The following BBS12 variants were observed in gnomAD, a reference collection of about 807,000 sequenced individuals.
BBS12 encodes the protein chaperonin-containing T-complex member BBS12.
BBS12 carries 5 observed loss-of-function variants against 5.6 expected under a neutral mutation model. The observed-to-expected ratio is 0.89, with a 90% CI of 0.46 to 1.86. The LOEUF (loss-of-function observed/expected upper bound fraction) is 1.86. Among genes scored for constraint, BBS12 ranks in the 40% most tolerant of loss-of-function variants. The pLI is 0.01. For synonymous variants in BBS12, 308 were observed against 306.8 expected, an observed-to-expected ratio of 1.00 and a Z score of -0.04; for missense variants, 748 against 830.4, an observed-to-expected ratio of 0.90 and a Z score of 1.22.
chr4:122,723,382 AGT>A, the BBS12 span, among the ~76,000 whole-genome samples: 1 of 152,208 alleles, frequency 6.6e-6, no homozygotes, highest in Non-Finnish European at 1.5e-5. Context: ...TTTGTGGAAA[AGT>A]GTTTATTTTC....
chr4:122,719,111 G>A, the BBS12 span, among the ~76,000 whole-genome samples: 6 of 152,254 alleles, frequency 3.9e-5, no homozygotes, highest in South Asian at 6.2e-4. Flanking sequence ...GAGCCACCGC[G>A]CCTGGCCTCT....
chr4:122,716,657 GCACATACACATA>G, the BBS12 span, among the ~76,000 whole-genome samples: 6 of 66,094 alleles, frequency 9.1e-5, no homozygotes, highest in East Asian at 1.8e-3. Context: ...GTGTGTATAT[GCACATACACATA>G]TGTGTATATA....
At chr4:122,731,497 T>A (rs1800696188), upstream of BBS12, 1 of 152,202 alleles carries the variant, frequency 6.6e-6, no homozygotes, top group Non-Finnish European at 1.5e-5. Flanking sequence ...GCTCCAGCCC[T>A]AAAATGTAGC....
chr4:122,720,796 G>A, the BBS12 span, among the ~76,000 whole-genome samples: 7 of 150,176 alleles, frequency 4.7e-5, no homozygotes, highest in African/African-American at 1.5e-4. Flanking sequence ...TGAATCTCAT[G>A]TAAAATAAAA....
chr4:122,700,959 A>T, the BBS12 span, among the ~76,000 whole-genome samples: 1 of 152,244 alleles, frequency 6.6e-6, no homozygotes, highest in Non-Finnish European at 1.5e-5. Context: ...AACCTACCAT[A>T]GTTAAAGGCA....
the BBS12 span, among the ~76,000 whole-genome samples, chr4:122,722,793 T>A: frequency 6.6e-6 from 1 of 152,192 alleles, no homozygotes; most frequent in Non-Finnish European, 1.5e-5. Context: ...TCATGTCACC[T>A]GCAAATAAGA....
Position 122,742,689 on chromosome 4 carries a change from A to G in BBS12, c.797A>G (p.Asn266Ser). The change falls in exon 2 of 2, where the codon AAT becomes AGT. Residue 266 changes from asparagine (N) to serine (S), a missense_variant. Physicochemically the swap from Asn to Ser is conservative, Grantham distance 46. Coordinates refer to ENST00000314218, the MANE Select transcript of BBS12 (RefSeq NM_152618.3). Reference sequence around the variant, plus strand: ...GCTACTCACAAAACTTACAGATGTAATGATTTGGTAGAGTTGGCAGTAGGC... The same window carrying G: ...GCTACTCACAAAACTTACAGATGTAGTGATTTGGTAGAGTTGGCAGTAGGC... ...VTATHKTYRC[N>S]DLVELAVGLS... The G allele has an allele frequency of 6.2e-7, 1 of 1,614,260 alleles. No homozygotes were observed. The highest frequency in any genetic ancestry group is 1.3e-5 in the African/African-American group (1 of 75,060).
In BBS12 at chr4:122,743,606, A is replaced by G. The variant is rs1290703348; in HGVS notation, c.1714A>G (p.Thr572Ala). ...NHACSGWLHN[T>A]SSWLASSLAI... ...TGCCTGCTCAGGGTGGCTGCATAATACTTCCTCTTGGCTGGCTTCATCTCT... is the reference window on the plus strand; with the variant it reads ...TGCCTGCTCAGGGTGGCTGCATAATGCTTCCTCTTGGCTGGCTTCATCTCT... Residue 572 changes from threonine (T) to alanine (A), a missense_variant, in exon 2 of 2, where the codon ACT (threonine) becomes GCT (alanine). Physicochemically the swap from Thr to Ala is moderately conservative, Grantham distance 58. Transcript: ENST00000314218. The G allele has an allele frequency of 1.2e-6, 2 of 1,614,144 alleles. No individual in the cohort carries two copies. Among genetic ancestry groups the G allele is most frequent in the Non-Finnish European group, 1.7e-6 (2 of 1,180,016 alleles).
rs1326784624 is a variant in BBS12 at position 122,743,109 on chromosome 4, A to T, written c.1217A>T (p.Gln406Leu). The T allele has an allele frequency of 6.2e-7, 1 of 1,614,282 alleles. No homozygotes were observed. Among genetic ancestry groups the T allele is most frequent in the Non-Finnish European group, 8.5e-7 (1 of 1,180,044 alleles). ...WANHVLQVLIQFKVNLVLVQG... is the reference protein window; with the variant it reads ...WANHVLQVLILFKVNLVLVQG... ...AATCACGTGTTACAGGTGTTAATCC[A>T]GTTCAAGGTGAACCTTGTCCTGGTA... The change falls in exon 2 of 2, where the codon CAG (glutamine) becomes CTG (leucine). Residue 406 changes from glutamine (Q) to leucine (L), a missense_variant. Gln to Leu is a moderately radical substitution (Grantham distance 113). Coordinates refer to ENST00000314218, the MANE Select transcript of BBS12 (RefSeq NM_152618.3).
the BBS12 span, among the ~76,000 whole-genome samples, chr4:122,707,321 T>C: frequency 6.6e-6 from 1 of 152,262 alleles, no homozygotes; most frequent in African/African-American, 2.4e-5. Flanking sequence ...ACAAATTTTA[T>C]AGTCAGCAAA....
At chr4:122,710,826 C>T in the BBS12 span, among the ~76,000 whole-genome samples, 2 of 151,916 alleles carry the variant, frequency 1.3e-5, no homozygotes, top group African/African-American at 4.8e-5. Context: ...GTTCCTTCTT[C>T]TGCTAGGTCC....
chr4:122,719,603 A>G, the BBS12 span, among the ~76,000 whole-genome samples: 1 of 151,978 alleles, frequency 6.6e-6, no homozygotes, highest in Non-Finnish European at 1.5e-5. Context: ...ACACTCACTG[A>G]GAAGGTCTGC....
At chr4:122,715,818 T>C in the BBS12 span, among the ~76,000 whole-genome samples, 1 of 152,244 alleles carries the variant, frequency 6.6e-6, no homozygotes, top group Non-Finnish European at 1.5e-5. Context: ...TAAAGAATCT[T>C]ATCCCAGGAC....
At chr4:122,741,847 A>G (rs1299625181) in intron 1 of BBS12, 36 bp from the exon 2 acceptor site, 3 of 1,539,460 alleles carry the variant, frequency 1.9e-6, no homozygotes, top group South Asian at 2.3e-5. Context: ...TATGAATTAT[A>G]CTGAATAAAG....
chr4:122,724,535 C>T, the BBS12 span, among the ~76,000 whole-genome samples: 5 of 152,162 alleles, frequency 3.3e-5, no homozygotes. Flanking sequence ...CCTTATCTGC[C>T]TTTACCTGAC....
intron 1 of BBS12, among the ~76,000 whole-genome samples, chr4:122,733,266 C>T (rs1395852894): frequency 6.6e-6 from 1 of 152,066 alleles, no homozygotes; most frequent in Non-Finnish European, 1.5e-5. Context: ...GTATTTAAAG[C>T]TTCACTACAT....
At chr4:122,701,517 G>T in the BBS12 span, among the ~76,000 whole-genome samples, 22 of 152,340 alleles carry the variant, frequency 1.4e-4, no homozygotes, top group African/African-American at 5.1e-4. Context: ...CAAATGTGGG[G>T]TAAGCAAGGA....
the BBS12 span, among the ~76,000 whole-genome samples, chr4:122,713,111 A>G: frequency 6.6e-6 from 1 of 152,080 alleles, no homozygotes; most frequent in Non-Finnish European, 1.5e-5. Flanking sequence ...TCACTTTTCG[A>G]CTTATTTATT....
the BBS12 span, among the ~76,000 whole-genome samples, chr4:122,727,272 T>C: frequency 6.6e-6 from 1 of 152,056 alleles, no homozygotes; most frequent in Non-Finnish European, 1.5e-5. Context: ...GGAGACGGAG[T>C]CTCGCTCTGT....
Sources: gnomAD v4.1 joint callset for allele counts (sites outside exome capture counted in the v4.1 genomes callset) on GRCh38, gnomAD v4.1.1 for gene constraint, MANE v1.5 for transcripts, NCBI Gene and HGNC (gene_info 2026-07-23, HGNC 2026-07-21) for gene names.